Variants in DNAH9 observed in about 807,000 individuals in gnomAD.
The protein encoded by DNAH9 is DNAH9 variant protein.
Under a neutral mutation model 471.6 loss-of-function variants are expected in DNAH9, and 345 were observed. That is an observed-to-expected ratio of 0.73 (90% CI 0.67 to 0.80). The LOEUF is 0.80. Ranked by LOEUF, DNAH9 falls within the 30% of genes least tolerant of loss-of-function variation. DNAH9 has a pLI of 0.00. For synonymous variants in DNAH9, 2,093 were observed against 2,123.6 expected (o/e 0.99, Z 0.40); for missense variants, 5,407 against 5,609.2 (o/e 0.96, Z 1.15).
intron 51 of DNAH9, 30 bp from the exon 52 acceptor site, chr17:11,871,568 T>G: frequency 1.2e-6 from 2 of 1,605,878 alleles, no homozygotes; most frequent in Non-Finnish European, 8.5e-7. Flanking sequence ...GTAACACGCC[T>G]CCTCTCCTCT....
At chr17:11,624,423 C>T (rs545470999) in intron 6 of DNAH9, among the ~76,000 whole-genome samples, 1 of 151,984 alleles carries the variant, frequency 6.6e-6, no homozygotes, top group Admixed American at 6.6e-5. Context: ...GCAGGAGAAT[C>T]GCTGGAACCT....
chr17:11,883,309 C>T (rs973320271), intron 55 of DNAH9: 47 of 1,158,016 alleles, frequency 4.1e-5, no homozygotes, highest in Non-Finnish European at 4.7e-5. Flanking sequence ...GTGTGTTGCC[C>T]ATTGTGCATT....
intron 1 of DNAH9, among the ~76,000 whole-genome samples, chr17:11,607,672 C>T (rs951943401): frequency 3.9e-5 from 6 of 152,204 alleles, no homozygotes; most frequent in Admixed American, 6.5e-5. Flanking sequence ...TGGGTTGAAG[C>T]GATTCTCCTG....
At chr17:11,639,757 C>T (rs1202290567) in intron 9 of DNAH9, among the ~76,000 whole-genome samples, 11 of 152,176 alleles carry the variant, frequency 7.2e-5, no homozygotes, top group Non-Finnish European at 1.6e-4. Context: ...CGCCTGTAAT[C>T]CCAGCACTTT....
At chr17:11,788,813 G>A (rs767706091) in intron 41 of DNAH9, among the ~76,000 whole-genome samples, 9 of 152,164 alleles carry the variant, frequency 5.9e-5, no homozygotes, top group South Asian at 4.2e-4. Flanking sequence ...TGACACAGTC[G>A]TGATTTTACA....
At chr17:11,690,570 C>A in intron 20 of DNAH9, 134 bp downstream of exon 20, 1 of 785,450 alleles carries the variant, frequency 1.3e-6, no homozygotes, top group Non-Finnish European at 2.0e-6. Context: ...GCACTTCCCA[C>A]AGATGCTCAC....
At position 11,609,043 on chromosome 17, in the gene DNAH9, A is replaced by G. The variant is rs566750879; in HGVS notation, c.614+718A>G. Among the ~76,000 whole-genome samples the G allele has an allele frequency of 7.4e-4, 112 of 152,286 alleles. 1 individual carries two copies. Among genetic ancestry groups the G allele is most frequent in the South Asian group, 4.6e-3 (22 of 4,826 alleles). On this transcript the variant is annotated intron_variant, in intron 2 of 68. Transcript: ENST00000262442. ...ATAAATATTAATAGTATATTTTGCT[A>G]TATTTCATCCAGCATCTCTATGTGC...
chr17:11,682,147 C>T (rs2150743338), intron 19 of DNAH9, among the ~76,000 whole-genome samples: 1 of 151,922 alleles, frequency 6.6e-6, no homozygotes, highest in Middle Eastern at 3.4e-3. Flanking sequence ...GCTTTAGAGT[C>T]ATAGGTTTTA....
At chr17:11,619,495 A>G in intron 5 of DNAH9, 53 bp from the exon 6 acceptor site, 1 of 1,037,556 alleles carries the variant, frequency 9.6e-7, no homozygotes, top group Non-Finnish European at 1.5e-6. Flanking sequence ...TGGTGTTGCA[A>G]AGTTACAGGA....
At chr17:11,810,534 G>T (rs1050714944) in intron 45 of DNAH9, among the ~76,000 whole-genome samples, 165 bp downstream of exon 45, 10 of 152,218 alleles carry the variant, frequency 6.6e-5, no homozygotes, top group Non-Finnish European at 1.5e-4. Flanking sequence ...CAGCATTGAT[G>T]CTGGGCCTGC....
chr17:11,821,657 A>G (rs1010148191), intron 45 of DNAH9, among the ~76,000 whole-genome samples: 2 of 152,204 alleles, frequency 1.3e-5, no homozygotes, highest in African/African-American at 4.8e-5. Flanking sequence ...AAAAGAAAAA[A>G]AGACTGTTGA....
In DNAH9 at chr17:11,928,400, C is replaced by T. The variant is rs530602789; in HGVS notation, c.11878-1466C>T. On this transcript the variant is annotated intron_variant, in intron 62 of 68. Transcript: ENST00000262442. ...ACTCAAAGACCAAATTACTGTGGTCCAAGTGCTGGGCTCAGCTCTGATCTG... is the reference window on the plus strand; with the variant it reads ...ACTCAAAGACCAAATTACTGTGGTCTAAGTGCTGGGCTCAGCTCTGATCTG... Among the ~76,000 whole-genome samples the T allele has an allele frequency of 2.6e-5, 4 of 152,312 alleles. No homozygotes were observed. The South Asian group carries it at 8.3e-4, about 32-fold the overall frequency.
intron 36 of DNAH9, among the ~76,000 whole-genome samples, chr17:11,765,215 A>C (rs932104158): frequency 1.8e-4 from 28 of 152,172 alleles, no homozygotes; most frequent in African/African-American, 6.5e-4. Flanking sequence ...GGTGCTTATT[A>C]TTACTATTCT....
chr17:11,702,800 G>A (rs2074624068), intron 24 of DNAH9, among the ~76,000 whole-genome samples: 1 of 152,070 alleles, frequency 6.6e-6, no homozygotes, highest in South Asian at 2.1e-4. Context: ...AAGGTAGAAA[G>A]TATTCACAGT....
At chr17:11,598,984 C>A in intron 1 of DNAH9, 69 bp downstream of exon 1, 2 of 331,498 alleles carry the variant, frequency 6.0e-6, no homozygotes, top group Non-Finnish European at 8.2e-6. Context: ...CCTTAAGGGA[C>A]GGAGGCGGGG....
Position 11,840,419 on chromosome 17 carries a change from A to G in DNAH9, c.9507+5521A>G, listed in dbSNP as rs188530006. Among the ~76,000 whole-genome samples the G allele has an allele frequency of 2.2e-4, 33 of 152,202 alleles. No individual in the cohort carries two copies. In the South Asian group the frequency reaches 3.1e-3, roughly 14 times the overall value. ...CTGCATTCTATTTAATTATTTATCT[A>G]TTTTTGAGCATTTAGTTTACTTTTT... On this transcript the variant is annotated intron_variant, in intron 49 of 68. Coordinates refer to ENST00000262442, the MANE Select transcript of DNAH9 (RefSeq NM_001372.4).
chr17:11,857,069 A>G (rs1313963962), intron 50 of DNAH9, among the ~76,000 whole-genome samples: 1 of 152,110 alleles, frequency 6.6e-6, no homozygotes, highest in African/African-American at 2.4e-5. Flanking sequence ...GATAATTTTT[A>G]TATTTTTCAG....
At position 11,883,657 on chromosome 17, in the gene DNAH9, C is replaced by T. The variant is rs375949908; in HGVS notation, c.10878C>T (p.Arg3626=). The T allele has an allele frequency of 6.1e-5, 99 of 1,614,094 alleles. No individual in the cohort carries two copies. The highest frequency in any genetic ancestry group is 8.2e-5 in the Non-Finnish European group (97 of 1,179,980). The stretch of plus-strand genomic sequence containing the variant: ...CGTTGGAAGACAGTCTTCTCTCTCG[C>T]CTCTCCTCCGCCTCTGGGAACTTCC... ...LKTLEDSLLS[R]LSSASGNFLG... The change falls in exon 56 of 69, where the codon CGC becomes CGT. Residue 3626 remains arginine (R), a synonymous_variant. Coordinates refer to ENST00000262442, the MANE Select transcript of DNAH9 (RefSeq NM_001372.4).
rs375110818 is a variant in DNAH9, at chr17:11,761,951, ATC to A, written c.6996-1485_6996-1484del. On this transcript the variant is annotated intron_variant, in intron 35 of 68. Coordinates refer to ENST00000262442, the MANE Select transcript of DNAH9 (RefSeq NM_001372.4). ...GCGAGTCCCACCTAAGTTGTCTAGA[ATC>A]TCTGTTTGGAATGGAAGGGCAGTTG... Among the ~76,000 whole-genome samples the A allele has an allele frequency of 2.7e-4, 41 of 152,066 alleles. No individual in the cohort carries two copies. In the South Asian group the frequency reaches 4.6e-3, roughly 17 times the overall value.
Sources: gnomAD v4.1 joint callset for allele counts (sites outside exome capture counted in the v4.1 genomes callset) on GRCh38, gnomAD v4.1.1 for gene constraint, MANE v1.5 for transcripts, NCBI Gene and HGNC (gene_info 2026-07-23, HGNC 2026-07-21) for gene names.